PRH1: variants seen among roughly 807,000 people sequenced by gnomAD.
PRH1 encodes proline rich protein HaeIII subfamily 1, also known as salivary acidic proline-rich phosphoprotein 1/2.
In PRH1, 7 loss-of-function variants were observed where a neutral mutation model predicts 7.9. The ratio of observed to expected loss-of-function variants is 0.89; its 90% CI spans 0.50 to 1.67. PRH1 has a LOEUF of 1.67. PRH1 is among the 40% of genes most tolerant of loss of function. The probability of loss-of-function intolerance (pLI) is 0.00; values close to 1 mark genes in which losing one functional copy is unlikely to be tolerated. For synonymous variants in PRH1, 45 were observed against 80.8 expected (o/e 0.56, Z 2.38); for missense variants, 109 against 223.6 (o/e 0.49, Z 3.27).
At chr12:10,909,326 A>T in intron 2 of PRH1, 1 of 1,507,078 alleles carries the variant, frequency 6.6e-7, no homozygotes, top group Non-Finnish European at 9.2e-7. Context: ...TCAATGTCTA[A>T]TGTCACTGCT....
chr12:10,938,643 T>G (rs375408441), intron 2 of PRH1: 1 of 1,613,798 alleles, frequency 6.2e-7, no homozygotes, highest in Non-Finnish European at 8.5e-7. Flanking sequence ...GTAAAGGGTA[T>G]GAAAATGAAC....
chr12:10,943,591 C>A (rs888242838), intron 2 of PRH1, among the ~76,000 whole-genome samples: 3 of 152,024 alleles, frequency 2.0e-5, no homozygotes, highest in African/African-American at 4.8e-5. Context: ...TCCCATTTGT[C>A]AATTTTTGTT....
At chr12:11,099,552 G>T (rs1226781281) in intron 1 of PRH1, among the ~76,000 whole-genome samples, 1 of 152,008 alleles carries the variant, frequency 6.6e-6, no homozygotes, top group East Asian at 1.9e-4. Flanking sequence ...CAAAAATTAG[G>T]TGGGCTCAGT....
intron 1 of PRH1, among the ~76,000 whole-genome samples, chr12:11,079,973 A>C (rs112801086): frequency 0.44 from 43,647 of 100,124 alleles, 4,692 homozygotes; most frequent in Non-Finnish European, 0.52. Context: ...CAAAACAAAA[A>C]TGGAAAACAT....
At chr12:10,928,980 T>A (rs1159894462) in intron 2 of PRH1, among the ~76,000 whole-genome samples, 1 of 152,182 alleles carries the variant, frequency 6.6e-6, no homozygotes, top group Non-Finnish European at 1.5e-5. Context: ...ATCCTGACAC[T>A]GTGCTGATTG....
intron 2 of PRH1, among the ~76,000 whole-genome samples, chr12:10,948,143 C>G (rs538986522): frequency 7.9e-5 from 12 of 152,006 alleles, no homozygotes; most frequent in Non-Finnish European, 1.5e-4. Context: ...CATGAGTTCT[C>G]TGTATTTCCT....
rs1411412633 is a variant in PRH1 at position 11,097,373 on chromosome 12, G to C, written n.124-50185C>G. ...ACAGAAGATCTGGGGTCTTACCTCT[G>C]TTTGACAGTTTGGTCCTAAAATCCG... On this transcript the variant is annotated intron_variant and non_coding_transcript_variant, in intron 1 of 4. Coordinates refer to the PRH1 transcript ENST00000541977. 2 of 116,720 alleles carry C rather than the reference G, an allele frequency of 1.7e-5. 1 individual carries two copies. The highest frequency in any genetic ancestry group is 5.8e-5 in the African/African-American group (2 of 34,360). 7.2% of individuals were successfully genotyped at this position (116,720 alleles called of 1,614,324 possible). A position where few individuals can be genotyped will look rare whatever the true frequency, so the allele number is the denominator to read the frequency against.
intron 2 of PRH1, among the ~76,000 whole-genome samples, chr12:10,913,499 G>A (rs17743281): frequency 0.011 from 1,693 of 152,106 alleles, 15 homozygotes; most frequent in South Asian, 0.03. Flanking sequence ...GATTACATTA[G>A]CTTATTTTTG....
chr12:11,002,086 A>G (rs1475554759), intron 1 of PRH1, among the ~76,000 whole-genome samples: 1 of 152,126 alleles, frequency 6.6e-6, no homozygotes, highest in Non-Finnish European at 1.5e-5. Context: ...TTAAAAATGT[A>G]TTTGGTTCAA....
intron 2 of PRH1, among the ~76,000 whole-genome samples, chr12:10,910,863 T>C (rs887440667): frequency 6.6e-6 from 1 of 152,230 alleles, no homozygotes; most frequent in East Asian, 1.9e-4. Flanking sequence ...TTGTATTTTA[T>C]TACTCATGCA....
chr12:11,065,612 C>T (rs1005638397), intron 1 of PRH1, among the ~76,000 whole-genome samples: 1 of 152,104 alleles, frequency 6.6e-6, no homozygotes, highest in Non-Finnish European at 1.5e-5. Context: ...TCTTTTTTAT[C>T]TTATTGTTTT....
chr12:11,022,829 T>C (rs1248569054), intron 1 of PRH1, among the ~76,000 whole-genome samples: 8 of 151,516 alleles, frequency 5.3e-5, no homozygotes, highest in Non-Finnish European at 7.4e-5. Flanking sequence ...CTCTCCTTGC[T>C]ATATGCTGTA....
chr12:11,053,994 T>C (rs1373503006), intron 1 of PRH1, among the ~76,000 whole-genome samples: 4 of 152,164 alleles, frequency 2.6e-5, no homozygotes, highest in African/African-American at 9.7e-5. Context: ...CTAATTTTTA[T>C]ATTTTTAGTA....
At chr12:11,160,457 TTTTG>T (rs879377022) in intron 1 of PRH1, among the ~76,000 whole-genome samples, 14 of 125,878 alleles carry the variant, frequency 1.1e-4, no homozygotes, top group East Asian at 4.1e-4. Context: ...GAACTGGAAT[TTTTG>T]TTTGTTTGTT....
chr12:11,122,149 C>T (rs532481018), intron 1 of PRH1, among the ~76,000 whole-genome samples: 12 of 152,318 alleles, frequency 7.9e-5, no homozygotes, highest in Middle Eastern at 6.8e-3. Flanking sequence ...AATTAGTAGA[C>T]TTTACACAGA....
rs190014120 is a variant in PRH1 at position 11,097,091 on chromosome 12, C to G, written n.124-49903G>C. The G allele has an allele frequency of 4.9e-5, 7 of 143,288 alleles. 1 individual carries two copies. The highest frequency in any genetic ancestry group is 2.0e-4 in the African/African-American group (7 of 35,042). The allele number at this position is 143,288 out of a possible 1,614,324, so 8.9% of individuals were successfully genotyped here. ...GGGATTACAGGCGTGAGCCACCGCGCCTGCCCTATGCTGTTTTAATTAGCA... is the reference window on the plus strand; with the variant it reads ...GGGATTACAGGCGTGAGCCACCGCGGCTGCCCTATGCTGTTTTAATTAGCA... On this transcript the variant is annotated intron_variant and non_coding_transcript_variant, in intron 1 of 4. Transcript: ENST00000541977.
chr12:11,091,101 C>CAA (rs2136257528), intron 1 of PRH1, among the ~76,000 whole-genome samples: 1 of 9,430 alleles, frequency 1.1e-4, no homozygotes, highest in South Asian at 4.9e-3. Flanking sequence ...CACAAATACA[C>CAA]ACACACACAC....
chr12:11,145,328 G>C (rs988181974), intron 1 of PRH1, among the ~76,000 whole-genome samples: 2 of 152,128 alleles, frequency 1.3e-5, no homozygotes, highest in East Asian at 3.9e-4. Flanking sequence ...GAGTGTCTGG[G>C]ATTACAGATA....
chr12:11,161,595 G>C (rs1330466993), intron 1 of PRH1, among the ~76,000 whole-genome samples: 1 of 152,130 alleles, frequency 6.6e-6, no homozygotes, highest in Non-Finnish European at 1.5e-5. Context: ...GAGAAGATGA[G>C]AAAGGAAAAG....
Sources: allele counts gnomAD v4.1 joint callset (sites outside exome capture counted in the v4.1 genomes callset), GRCh38; gene constraint gnomAD v4.1.1; transcripts MANE v1.5; gene names NCBI Gene and HGNC (gene_info 2026-07-23, HGNC 2026-07-21).